Variants in JADE3 observed in about 807,000 individuals in gnomAD.
JADE3 encodes the protein jade family PHD finger 3.
Under a neutral mutation model 50.1 loss-of-function variants are expected in JADE3, and 2 were observed. The ratio of observed to expected loss-of-function variants is 0.04; its 90% CI spans 0.02 to 0.13. The LOEUF is 0.13. Ranked by LOEUF, JADE3 falls within the 10% of genes least tolerant of loss-of-function variation. JADE3 has a pLI of 1.00. For missense variants in JADE3, 475 were observed against 634.4 expected (o/e 0.75, Z 2.70); for synonymous variants, 218 against 232.9 (o/e 0.94, Z 0.58).
intron 1 of JADE3, among the ~76,000 whole-genome samples, chrX:46,971,477 T>C (rs1457809545): frequency 9.1e-6 from 1 of 109,677 alleles, no homozygotes; most frequent in Non-Finnish European, 1.9e-5. Flanking sequence ...TAAAAGTTAT[T>C]GGAACTGGGG....
At chrX:46,982,585 T>C (rs1927780016) in intron 1 of JADE3, among the ~76,000 whole-genome samples, 1 of 111,285 alleles carries the variant, frequency 9.0e-6, no homozygotes, top group African/African-American at 3.3e-5. Flanking sequence ...GGGTTCTTTA[T>C]TATTATTTGC....
intron 6 of JADE3, among the ~76,000 whole-genome samples, chrX:47,030,776 G>T (rs1350242655): frequency 1.8e-5 from 2 of 111,571 alleles, no homozygotes; most frequent in African/African-American, 3.3e-5. Context: ...GTTGGGCCGG[G>T]CATGGTGGCT....
At chrX:46,934,957 A>C (rs1349856868) in intron 1 of JADE3, among the ~76,000 whole-genome samples, 1 of 111,140 alleles carries the variant, frequency 9.0e-6, no homozygotes, top group Non-Finnish European at 1.9e-5. Flanking sequence ...GTTTATTCTC[A>C]GTCTCACTCT....
chrX:46,969,899 T>C (rs148505152), intron 1 of JADE3, among the ~76,000 whole-genome samples: 52 of 112,214 alleles, frequency 4.6e-4, no homozygotes, highest in African/African-American at 1.7e-3. Flanking sequence ...TGAATGCTTA[T>C]ATGAGGAAAA....
intron 8 of JADE3, among the ~76,000 whole-genome samples, chrX:47,048,252 T>C (rs937780265): frequency 9.0e-6 from 1 of 111,717 alleles, no homozygotes; most frequent in Non-Finnish European, 1.9e-5. Context: ...GACACTCTTA[T>C]CAGGCAGGAC....
Position 46,958,545 on chromosome X carries a change from T to C in JADE3, c.-11-26339T>C, listed in dbSNP as rs139019112. Among the ~76,000 whole-genome samples the C allele has an allele frequency of 2.1e-4, 23 of 111,303 alleles. No homozygotes were observed. In the Admixed American group the frequency reaches 2.2e-3, roughly 11 times the overall value. On this transcript the variant is annotated intron_variant, in intron 1 of 10. Coordinates refer to ENST00000614628, the MANE Select transcript of JADE3 (RefSeq NM_014735.5). ...TTAATCTATCAGCAGGAAAATCCTGTCAGCTGCCTCCACGTATTACTGTAC... is the reference window on the plus strand; with the variant it reads ...TTAATCTATCAGCAGGAAAATCCTGCCAGCTGCCTCCACGTATTACTGTAC...
rs782067866 is a variant in JADE3, at chrX:46,978,568, G to A, written c.-11-6316G>A. On this transcript the variant is annotated intron_variant, in intron 1 of 10. Transcript: ENST00000614628. ...TATGAAACAAGACGAACGTGTTCCC[G>A]GAATCACATGGGGCATAGTATATGC... is the stretch of plus-strand genomic sequence containing the variant. 4.6e-4 allele frequency among the ~76,000 whole-genome samples: 51 copies of A among 111,678 alleles called. No individual in the cohort carries two copies. The South Asian group carries it at 7.6e-3, about 17-fold the overall frequency.
At position 47,049,124 on chromosome X, in the gene JADE3, A is replaced by T. The variant is rs782650892; in HGVS notation, c.973-5034A>T. The stretch of plus-strand genomic sequence containing the variant: ...TTTTGTTTAATAGAATGCGCCAGAC[A>T]TATGTTTTAGAAGAAAACAAATAGG... On this transcript the variant is annotated intron_variant, in intron 8 of 10. Coordinates refer to ENST00000614628, the MANE Select transcript of JADE3 (RefSeq NM_014735.5). Among the ~76,000 whole-genome samples the T allele has an allele frequency of 9.1e-5, 10 of 110,431 alleles. No homozygotes were observed. In the South Asian group the frequency reaches 3.8e-3, roughly 42 times the overall value.
At chrX:46,951,453 G>A (rs1464302881) in intron 1 of JADE3, among the ~76,000 whole-genome samples, 1 of 107,545 alleles carries the variant, frequency 9.3e-6, no homozygotes, top group Non-Finnish European at 1.9e-5. Context: ...CAGGCATGGT[G>A]GCATGCGCCT....
chrX:46,935,805 G>C (rs1408967214), intron 1 of JADE3, among the ~76,000 whole-genome samples: 1 of 84,020 alleles, frequency 1.2e-5, no homozygotes, highest in Non-Finnish European at 2.4e-5. Flanking sequence ...TCTTTTTCTT[G>C]TTTCAACTTT....
rs1929759561 is a variant in JADE3 at position 47,060,767 on chromosome X, G to A, written c.*1690G>A. The A allele has an allele frequency of 8.9e-6, 1 of 112,166 alleles. No individual in the cohort carries two copies. Among genetic ancestry groups the A allele is most frequent in the African/African-American group, 3.2e-5 (1 of 30,782 alleles). The allele number at this position is 112,166 out of a possible 1,213,427, so 9.2% of individuals were successfully genotyped here. Reference sequence around the variant, plus strand: ...TCCCCTATTTATGCACTAGGTTTCTGTGCTTTTTCTTTGAGTTCTCTGGAG... The same window carrying A: ...TCCCCTATTTATGCACTAGGTTTCTATGCTTTTTCTTTGAGTTCTCTGGAG... On this transcript the variant is annotated 3_prime_UTR_variant, in exon 11 of 11. Transcript: ENST00000614628.
intron 1 of JADE3, among the ~76,000 whole-genome samples, chrX:46,960,579 T>C (rs1556347446): frequency 8.9e-6 from 1 of 112,054 alleles, no homozygotes; most frequent in Non-Finnish European, 1.9e-5. Flanking sequence ...AGGGAAATTG[T>C]GTTCTGTGTA....
At chrX:46,966,581 C>T (rs1158965555) in intron 1 of JADE3, among the ~76,000 whole-genome samples, 1 of 111,342 alleles carries the variant, frequency 9.0e-6, no homozygotes, top group Non-Finnish European at 1.9e-5. Flanking sequence ...GAGTGATCAG[C>T]GTGTCAAATG....
chrX:47,048,325 G>A (rs1283940986), intron 8 of JADE3, among the ~76,000 whole-genome samples: 1 of 111,288 alleles, frequency 9.0e-6, no homozygotes, highest in East Asian at 2.8e-4. Flanking sequence ...TTTTTTTTTA[G>A]ACAAGGTTAT....
intron 4 of JADE3, among the ~76,000 whole-genome samples, chrX:46,999,991 G>A (rs1366056240): frequency 3.6e-5 from 4 of 110,551 alleles, no homozygotes; most frequent in Middle Eastern, 9.3e-3. Flanking sequence ...TTTTTTAAGG[G>A]CAGAGATAAC....
intron 1 of JADE3, among the ~76,000 whole-genome samples, chrX:46,950,596 G>A (rs1556344699): frequency 8.9e-6 from 1 of 112,239 alleles, no homozygotes; most frequent in Non-Finnish European, 1.9e-5. Context: ...GCTGCAGTGA[G>A]CATTCATGTA....
chrX:47,027,850 A>G (rs1556365870), intron 5 of JADE3, 42 bp from the exon 6 acceptor site: 1 of 1,121,779 alleles, frequency 8.9e-7, no homozygotes, highest in East Asian at 3.0e-5. Flanking sequence ...TGGGAATGAC[A>G]GCTGACTGAT....
Position 47,012,502 on chromosome X carries a change from G to C in JADE3, c.285-12222G>C, listed in dbSNP as rs1441632997. Among the ~76,000 whole-genome samples the C allele has an allele frequency of 6.3e-5, 7 of 110,921 alleles. 1 individual carries two copies. The highest frequency in any genetic ancestry group is 1.3e-4 in the Non-Finnish European group (7 of 52,970). On this transcript the variant is annotated intron_variant, in intron 4 of 10. Transcript: ENST00000614628. ...AGACTTACGTGGAAGGATTGCTTGA[G>C]CCCAGGAGTTTAAGGCTGCAGTGAC...
intron 1 of JADE3, among the ~76,000 whole-genome samples, chrX:46,944,391 C>T (rs142280456): frequency 0.028 from 2,999 of 107,910 alleles, 126 homozygotes; most frequent in African/African-American, 0.096. Flanking sequence ...CTGCAACCTC[C>T]GCCTCCTGGG....
Sources: allele counts gnomAD v4.1 joint callset (sites outside exome capture counted in the v4.1 genomes callset), GRCh38; gene constraint gnomAD v4.1.1; transcripts MANE v1.5; gene names NCBI Gene and HGNC (gene_info 2026-07-23, HGNC 2026-07-21).